Variants in MACROH2A1 observed in about 807,000 individuals in gnomAD.
The protein encoded by MACROH2A1 is core histone macro-H2A.1.
A neutral mutation model predicts 31.6 loss-of-function variants in MACROH2A1; 2 were observed. The ratio of observed to expected loss-of-function variants is 0.06; its 90% confidence interval spans 0.03 to 0.20. The LOEUF (loss-of-function observed/expected upper bound fraction) is 0.20, where lower values mean the gene tolerates loss of function less well. MACROH2A1 is among the 10% of genes least tolerant of loss of function. MACROH2A1 has a pLI of 1.00. For missense variants in MACROH2A1, 230 were observed against 474.0 expected, an observed-to-expected ratio of 0.49 and a Z score of 4.78; for synonymous variants, 169 against 189.6, an observed-to-expected ratio of 0.89 and a Z score of 0.89.
At chr5:135,361,162 T>C (rs1762801672) in intron 4 of MACROH2A1, 1 of 188,712 alleles carries the variant, frequency 5.3e-6, no homozygotes, top group Non-Finnish European at 1.1e-5. Context: ...CCTTGACCCA[T>C]GGTTCTTGGC....
chr5:135,390,292 G>T (rs935378747), intron 1 of MACROH2A1, among the ~76,000 whole-genome samples: 2 of 152,182 alleles, frequency 1.3e-5, no homozygotes, highest in African/African-American at 4.8e-5. Flanking sequence ...ATGCACGTGT[G>T]CCCATTCTCC....
At chr5:135,339,386 G>T (rs549736126) in intron 8 of MACROH2A1, among the ~76,000 whole-genome samples, 1 of 152,286 alleles carries the variant, frequency 6.6e-6, no homozygotes, top group African/African-American at 2.4e-5. Flanking sequence ...CCCTCTCCTT[G>T]AGTGGGACTT....
intron 4 of MACROH2A1, chr5:135,361,503 T>A (rs1431428920): frequency 1.3e-5 from 2 of 152,238 alleles, no homozygotes; most frequent in Non-Finnish European, 2.9e-5. Flanking sequence ...CTTTGGCTAA[T>A]TTGGAGATTT....
intron 8 of MACROH2A1, among the ~76,000 whole-genome samples, chr5:135,341,111 C>G (rs546051849): frequency 1.3e-5 from 2 of 152,332 alleles, no homozygotes; most frequent in South Asian, 4.1e-4. Context: ...CTATTGCCTC[C>G]CTCTGCGGAA....
chr5:135,387,087 C>CGGG, intron 2 of MACROH2A1, among the ~76,000 whole-genome samples: 1 of 152,292 alleles, frequency 6.6e-6, no homozygotes, highest in East Asian at 1.9e-4. Flanking sequence ...TCACAGAGCA[C>CGGG]GTACACTAAC....
At chr5:135,367,815 C>T (rs528926396) in intron 4 of MACROH2A1, among the ~76,000 whole-genome samples, 2 of 152,360 alleles carry the variant, frequency 1.3e-5, no homozygotes, top group South Asian at 2.1e-4. Flanking sequence ...TCAGTATCTT[C>T]GTTGCCTTTT....
intron 8 of MACROH2A1, among the ~76,000 whole-genome samples, chr5:135,335,943 A>G (rs1456051124): frequency 6.6e-6 from 1 of 152,224 alleles, no homozygotes; most frequent in Non-Finnish European, 1.5e-5. Flanking sequence ...ACCTGGGTTT[A>G]GAGCCAGTGG....
chr5:135,387,843 T>C (rs1239060358), intron 2 of MACROH2A1, among the ~76,000 whole-genome samples: 1 of 152,000 alleles, frequency 6.6e-6, no homozygotes, highest in Non-Finnish European at 1.5e-5. Context: ...AGTCCCAGAC[T>C]GGGGCAAGGG....
At chr5:135,350,881 G>A (rs749202546) in intron 6 of MACROH2A1, 26 of 1,612,794 alleles carry the variant, frequency 1.6e-5, no homozygotes, top group Middle Eastern at 1.6e-4. Context: ...CATCACTGTC[G>A]ATCGAGGCAA....
In MACROH2A1 at chr5:135,340,997, G is replaced by A. The variant is rs138324774; in HGVS notation, c.953+2263C>T. Among the ~76,000 whole-genome samples the A allele has an allele frequency of 1.2e-3, 177 of 152,302 alleles. 2 individuals carry two copies. In the East Asian group the frequency reaches 0.031, roughly 27 times the overall value. ...CTCCATGAAAAATGTAAATAAGTTT[G>A]TAATAACAGATGCTCTTTTATGAGA... On this transcript the variant is annotated intron_variant, in intron 8 of 8. Transcript: ENST00000511689.
intron 6 of MACROH2A1, among the ~76,000 whole-genome samples, chr5:135,351,861 C>T (rs1449933890): frequency 6.6e-6 from 1 of 151,734 alleles, no homozygotes; most frequent in Non-Finnish European, 1.5e-5. Flanking sequence ...CTGCACCTGG[C>T]CTTTGTATTT....
chr5:135,379,183 T>C (rs1165260520), intron 2 of MACROH2A1, among the ~76,000 whole-genome samples: 1 of 152,178 alleles, frequency 6.6e-6, no homozygotes. Flanking sequence ...GAACGCGCCT[T>C]CTATAAAATC....
chr5:135,376,870 C>T (rs1408613766), intron 2 of MACROH2A1, among the ~76,000 whole-genome samples: 1 of 152,192 alleles, frequency 6.6e-6, no homozygotes, highest in Non-Finnish European at 1.5e-5. Flanking sequence ...GAGAAAACTG[C>T]ACTTCCTTTG....
intron 8 of MACROH2A1, 100 bp downstream of exon 8, chr5:135,343,160 C>T (rs1311871648): frequency 6.3e-7 from 1 of 1,595,496 alleles, no homozygotes; most frequent in East Asian, 2.2e-5. Flanking sequence ...TTAAGGCAGC[C>T]TCCGTGGGCC....
At position 135,370,100 on chromosome 5, in the gene MACROH2A1, T is replaced by C; in HGVS notation, c.215A>G (p.Lys72Arg). ...GTGCCGGGGTGTGACCCGTCCCTTC[T>C]TGTTGTCTCTCGCTGCATTGCCAGC... The part of the protein sequence containing the change: ...ELAGNAARDN[K>R]KGRVTPRHIL... The change falls in exon 3 of 9, where the codon AAG becomes AGG. Residue 72 changes from lysine to arginine, a missense_variant. By Grantham distance (26) the Lys-to-Arg change is conservative (BLOSUM62 2). This residue lies in a region of MACROH2A1 where 47 missense variants were observed against 154.7 expected (regional missense o/e 0.30). Transcript: ENST00000511689. 16 of 1,613,872 alleles carry C rather than the reference T, an allele frequency of 9.9e-6. No individual in the cohort carries two copies. The highest frequency in any genetic ancestry group is 1.3e-5 in the Non-Finnish European group (15 of 1,179,876).
intron 6 of MACROH2A1, among the ~76,000 whole-genome samples, chr5:135,348,827 G>A (rs963154756): frequency 5.9e-5 from 9 of 152,182 alleles, no homozygotes; most frequent in East Asian, 1.9e-4. Context: ...TTACAGTGTC[G>A]GTGAATGATG....
At chr5:135,368,656 T>G (rs1279115233) in intron 4 of MACROH2A1, among the ~76,000 whole-genome samples, 1 of 152,150 alleles carries the variant, frequency 6.6e-6, no homozygotes, top group Non-Finnish European at 1.5e-5. Flanking sequence ...TGCTGACAAG[T>G]AGGACTGGGC....
Position 135,360,399 on chromosome 5 carries a change from A to T in MACROH2A1, c.588+98T>A, listed in dbSNP as rs995192589. 5.0e-6 allele frequency: 4 copies of T among 800,450 alleles called. No individual in the cohort carries two copies. In the East Asian group the frequency reaches 1.0e-4, roughly 20 times the overall value. The allele number at this position is 800,450 out of a possible 1,614,324, so 49.6% of individuals were successfully genotyped here. On this transcript the variant is annotated intron_variant, in intron 5 of 8. Coordinates refer to ENST00000511689, the MANE Select transcript of MACROH2A1 (RefSeq NM_138610.3). Reference sequence around the variant, plus strand: ...CACTCTGTCTACCCACGAGGCTGGGAGTGGCCCCCGGGATCCCCCCAGCCT... The same window carrying T: ...CACTCTGTCTACCCACGAGGCTGGGTGTGGCCCCCGGGATCCCCCCAGCCT...
At chr5:135,340,056 G>A (rs1194420369) in intron 8 of MACROH2A1, among the ~76,000 whole-genome samples, 1 of 152,216 alleles carries the variant, frequency 6.6e-6, no homozygotes, top group Non-Finnish European at 1.5e-5. Flanking sequence ...TTTATGCACA[G>A]AGAGTACGCA....
Sources: gnomAD v4.1 joint callset for allele counts (sites outside exome capture counted in the v4.1 genomes callset) on GRCh38, gnomAD v4.1.1 for gene constraint, gnomAD v4.1.1 regional missense constraint, MANE v1.5 for transcripts, NCBI Gene and HGNC (gene_info 2026-07-23, HGNC 2026-07-21) for gene names.